The following CD99L2 variants were observed in gnomAD, a reference collection of about 807,000 sequenced individuals.
CD99L2 encodes CD99 molecule like 2, also known as CD99 antigen-like protein 2.
In CD99L2, 24 loss-of-function variants were observed where a neutral mutation model predicts 27.3. The ratio of observed to expected loss-of-function variants is 0.88; its 90% CI spans 0.64 to 1.24. The LOEUF is 1.24. Ranked by LOEUF, CD99L2 falls within the 50% of genes most tolerant of loss-of-function variation. CD99L2 has a pLI of 0.00. For synonymous variants in CD99L2, 97 were observed against 87.9 expected (o/e 1.10, Z -0.58); for missense variants, 255 against 221.6 (o/e 1.15, Z -0.96).
chrX:150,774,630 G>A (rs782203838), intron 9 of CD99L2, among the ~76,000 whole-genome samples: 15 of 112,056 alleles, frequency 1.3e-4, no homozygotes, highest in African/African-American at 4.5e-4. Flanking sequence ...AACACGGTCA[G>A]AGATGAAGGG....
Position 150,770,309 on chromosome X carries a change from G to A in CD99L2, c.716C>T (p.Pro239Leu), listed in dbSNP as rs782158051. ...AGTGAGTACAAAGTTCTCACCTTGG[G>A]GTTCCTCACATACCACGGCTTCCAG... ...ENLEAVVCEEPQVKYSTLHTQ... is the reference protein window; with the variant it reads ...ENLEAVVCEELQVKYSTLHTQ... Residue 239 changes from proline to leucine, a missense_variant, in exon 10 of 11, where the codon CCC (proline) becomes CTC (leucine). Transcript: ENST00000370377. 2 of 1,211,396 alleles carry A rather than the reference G, an allele frequency of 1.7e-6. No individual in the cohort carries two copies. Among genetic ancestry groups the A allele is most frequent in the Non-Finnish European group, 1.1e-6 (1 of 894,897 alleles).
intron 9 of CD99L2, among the ~76,000 whole-genome samples, chrX:150,771,047 T>A (rs1557419043): frequency 8.9e-6 from 1 of 112,194 alleles, no homozygotes; most frequent in African/African-American, 3.2e-5. Flanking sequence ...AGGGCCAGTG[T>A]TCAAGTTCTT....
intron 1 of CD99L2, among the ~76,000 whole-genome samples, chrX:150,838,898 TAAA>T (rs1161488139): frequency 4.2e-5 from 1 of 23,566 alleles, no homozygotes; most frequent in East Asian, 1.7e-3. Flanking sequence ...ATCATATCAG[TAAA>T]AAAAAAAAAA....
At chrX:150,833,706 A>C (rs2046480925) in intron 1 of CD99L2, among the ~76,000 whole-genome samples, 1 of 112,339 alleles carries the variant, frequency 8.9e-6, no homozygotes, top group African/African-American at 3.2e-5. Context: ...TAAATGATGT[A>C]GAGAAACTGG....
At chrX:150,828,808 C>A (rs1001818374) in intron 2 of CD99L2, 1 of 111,646 alleles carries the variant, frequency 9.0e-6, no homozygotes, top group African/African-American at 3.3e-5. Context: ...TGCATAATGG[C>A]AAATCCACTT....
At chrX:150,882,631 T>C (rs1557422529) in intron 1 of CD99L2, among the ~76,000 whole-genome samples, 1 of 110,362 alleles carries the variant, frequency 9.1e-6, no homozygotes, top group African/African-American at 3.3e-5. Flanking sequence ...GCCAAGACTA[T>C]GGCACTGCAC....
intron 1 of CD99L2, among the ~76,000 whole-genome samples, chrX:150,867,309 C>T (rs2047076862): frequency 2.7e-5 from 3 of 111,318 alleles, no homozygotes; most frequent in African/African-American, 9.8e-5. Context: ...ACTTGGGAGG[C>T]TGAGGCAGGA....
chrX:150,891,555 T>C (rs1394268285), intron 1 of CD99L2, among the ~76,000 whole-genome samples: 1 of 112,044 alleles, frequency 8.9e-6, no homozygotes, highest in Non-Finnish European at 1.9e-5. Context: ...AATAATATTT[T>C]AAGGTCAGCA....
At chrX:150,779,519 C>T (rs902896362) in intron 7 of CD99L2, among the ~76,000 whole-genome samples, 52 of 112,401 alleles carry the variant, frequency 4.6e-4, no homozygotes, top group African/African-American at 1.6e-3. Flanking sequence ...CTGAAGTCAG[C>T]CACACAGGCC....
intron 9 of CD99L2, chrX:150,771,815 T>A (rs2043462019): frequency 8.7e-7 from 1 of 1,154,465 alleles, no homozygotes; most frequent in African/African-American, 1.8e-5. Context: ...CTTGACCTGC[T>A]GCTGCATCTG....
intron 2 of CD99L2, among the ~76,000 whole-genome samples, chrX:150,824,401 AAG>A (rs1456219691): frequency 9.7e-6 from 1 of 103,033 alleles, no homozygotes; most frequent in African/African-American, 3.6e-5. Flanking sequence ...AAGAAGAAGA[AAG>A]AAGAAGAAAA....
chrX:150,776,399 C>A (rs782135542), intron 8 of CD99L2, 106 bp from the exon 9 acceptor site: 2 of 905,917 alleles, frequency 2.2e-6, no homozygotes, highest in African/African-American at 2.0e-5. Context: ...CTACTAGACG[C>A]CCCCAACCCC....
At chrX:150,824,425 GAGAAGAAGAAGA>G (rs781905071) in intron 2 of CD99L2, among the ~76,000 whole-genome samples, 13 of 88,693 alleles carry the variant, frequency 1.5e-4, no homozygotes, top group African/African-American at 5.5e-4. Context: ...AAGAAGAAAA[GAGAAGAAGAAGA>G]AAGAAGAAAG....
rs782276468 is a variant in CD99L2 at position 150,876,213 on chromosome X, C to A, written c.67+22309G>T. 1.4e-3 allele frequency among the ~76,000 whole-genome samples: 153 copies of A among 112,312 alleles called. 1 individual carries two copies. The highest frequency in any genetic ancestry group is 4.4e-3 in the African/African-American group (135 of 30,929). On this transcript the variant is annotated intron_variant, in intron 1 of 10. Transcript: ENST00000370377. ...TTGTGTTGCCTCTCCATGAGAATGA[C>A]AACTTAGATCACACACTTTTGCCCT...
At chrX:150,771,994 G>A (rs1231690317) in intron 9 of CD99L2, among the ~76,000 whole-genome samples, 3 of 112,327 alleles carry the variant, frequency 2.7e-5, no homozygotes, top group African/African-American at 9.7e-5. Flanking sequence ...GTGGGGGCAG[G>A]CCTTCCTCGC....
At chrX:150,846,902 A>G (rs1243681156) in intron 1 of CD99L2, among the ~76,000 whole-genome samples, 1 of 112,467 alleles carries the variant, frequency 8.9e-6, no homozygotes, top group Non-Finnish European at 1.9e-5. Context: ...ACACCAATGG[A>G]TCCTGTGTAC....
At chrX:150,878,002 AC>A (rs1402192905) in intron 1 of CD99L2, among the ~76,000 whole-genome samples, 2 of 103,924 alleles carry the variant, frequency 1.9e-5, no homozygotes, top group Non-Finnish European at 4.0e-5. Context: ...ACACACACAC[AC>A]ACCAGTAGCT....
At chrX:150,806,357 G>A (rs1181368569) in intron 4 of CD99L2, among the ~76,000 whole-genome samples, 1 of 111,544 alleles carries the variant, frequency 9.0e-6, no homozygotes, top group African/African-American at 3.3e-5. Flanking sequence ...CCAGGCTCAA[G>A]TGATTCTCCC....
In CD99L2 at chrX:150,797,127, A is replaced by G. The variant is rs146928510; in HGVS notation, c.278-1641T>C. ...GCTAGATACTAGAAAAACAAAACCA[A>G]AGCAAGCAGATGGAAAAAATAAACA... On this transcript the variant is annotated intron_variant, in intron 4 of 10. Coordinates refer to ENST00000370377, the MANE Select transcript of CD99L2 (RefSeq NM_031462.4). 5.1e-3 allele frequency among the ~76,000 whole-genome samples: 566 copies of G among 111,226 alleles called. 7 individuals are homozygous for G. The highest frequency in any genetic ancestry group is 0.014 in the Middle Eastern group (3 of 217).
Sources: allele counts gnomAD v4.1 joint callset (sites outside exome capture counted in the v4.1 genomes callset), GRCh38; gene constraint gnomAD v4.1.1; transcripts MANE v1.5; gene names NCBI Gene and HGNC (gene_info 2026-07-23, HGNC 2026-07-21).